Variants in ARID4A observed in about 807,000 individuals in gnomAD.
The protein encoded by ARID4A is AT-rich interaction domain 4A.
In ARID4A, 39 loss-of-function variants were observed where a neutral mutation model predicts 148.6. That is an observed-to-expected ratio of 0.26 (90% CI 0.20 to 0.34). The LOEUF (loss-of-function observed/expected upper bound fraction) is 0.34. Ranked by LOEUF, ARID4A falls within the 10% of genes least tolerant of loss-of-function variation. The probability of loss-of-function intolerance (pLI) is 1.00; values close to 1 mark genes in which losing one functional copy is unlikely to be tolerated. For synonymous variants in ARID4A, 475 were observed against 481.2 expected, an observed-to-expected ratio of 0.99 and a Z score of 0.17; for missense variants, 1,265 against 1,449.1, an observed-to-expected ratio of 0.87 and a Z score of 2.06.
chr14:58,329,638 G>A (rs781002522), intron 10 of ARID4A, 34 bp downstream of exon 10: 3 of 1,502,874 alleles, frequency 2.0e-6, no homozygotes, highest in Non-Finnish European at 9.3e-7. Context: ...ATTATTTTAT[G>A]TTGTGGCTCT....
At chr14:58,346,562 C>T (rs2034373508) in intron 13 of ARID4A, 57 bp downstream of exon 13, 4 of 1,127,888 alleles carry the variant, frequency 3.5e-6, no homozygotes, top group African/African-American at 3.1e-5. Flanking sequence ...GTTAAGTTAT[C>T]TTATATTGCA....
At chr14:58,326,984 T>C (rs1367247144) in intron 8 of ARID4A, among the ~76,000 whole-genome samples, 7 of 152,188 alleles carry the variant, frequency 4.6e-5, no homozygotes, top group Admixed American at 4.6e-4. Flanking sequence ...ATTAGTCTAA[T>C]AATTACTGGC....
intron 5 of ARID4A, among the ~76,000 whole-genome samples, chr14:58,311,586 G>A (rs1308980283): frequency 8.6e-5 from 13 of 151,996 alleles, no homozygotes; most frequent in Non-Finnish European, 5.9e-5. Context: ...CCCACTCCTG[G>A]GTATATAACC....
intron 7 of ARID4A, among the ~76,000 whole-genome samples, chr14:58,319,493 A>C (rs1191511386): frequency 1.4e-5 from 2 of 148,018 alleles, no homozygotes; most frequent in Non-Finnish European, 3.0e-5. Flanking sequence ...ATAATACACG[A>C]ATATCTGTGT....
At chr14:58,350,615 C>T (rs577648953) in intron 15 of ARID4A, among the ~76,000 whole-genome samples, 1 of 152,122 alleles carries the variant, frequency 6.6e-6, no homozygotes, top group East Asian at 1.9e-4. Context: ...TAAATTTTGT[C>T]TTACTAACGG....
chr14:58,336,850 C>T (rs2033841254), intron 11 of ARID4A, among the ~76,000 whole-genome samples: 1 of 151,708 alleles, frequency 6.6e-6, no homozygotes, highest in South Asian at 2.1e-4. Flanking sequence ...GATACCTTAT[C>T]CCATAGTTTC....
At chr14:58,359,079 G>A in intron 17 of ARID4A, 53 bp from the exon 18 acceptor site, 2 of 1,494,620 alleles carry the variant, frequency 1.3e-6, no homozygotes, top group South Asian at 1.3e-5. Context: ...TTTCAAAAAG[G>A]TTATAATGTA....
intron 19 of ARID4A, among the ~76,000 whole-genome samples, chr14:58,363,556 G>A (rs1213977084): frequency 4.6e-5 from 7 of 151,950 alleles, no homozygotes; most frequent in Admixed American, 6.6e-5. Context: ...AAAATTAGCC[G>A]GGCGTGGTGG....
chr14:58,356,792 C>T (rs1013191051), intron 17 of ARID4A, among the ~76,000 whole-genome samples: 1 of 151,414 alleles, frequency 6.6e-6, no homozygotes, highest in Non-Finnish European at 1.5e-5. Context: ...ACCTCCGCCT[C>T]CTGGGTTCAA....
chr14:58,353,627 G>A (rs1441971825), intron 16 of ARID4A, 31 bp from the exon 17 acceptor site: 6 of 1,567,762 alleles, frequency 3.8e-6, no homozygotes, highest in East Asian at 2.2e-5. Context: ...TAAGTTATTA[G>A]TAGCATTATC....
intron 23 of ARID4A, among the ~76,000 whole-genome samples, chr14:58,369,719 C>T (rs1396275334): frequency 6.6e-6 from 1 of 151,684 alleles, no homozygotes; most frequent in Non-Finnish European, 1.5e-5. Context: ...CATCCGATTT[C>T]TCAATGGTAG....
chr14:58,303,466 T>C (rs2031356439), intron 3 of ARID4A: 1 of 457,054 alleles, frequency 2.2e-6, no homozygotes, highest in Non-Finnish European at 4.6e-6. Context: ...ATAAAATTAT[T>C]GTCATTGGTA....
At chr14:58,343,451 T>G (rs554733390) in intron 11 of ARID4A, among the ~76,000 whole-genome samples, 1 of 152,336 alleles carries the variant, frequency 6.6e-6, no homozygotes, top group East Asian at 1.9e-4. Context: ...AACACAATTT[T>G]AAAGTGCCTG....
Position 58,323,573 on chromosome 14 carries a change from A to C in ARID4A, c.538A>C (p.Ser180Arg). The part of the protein sequence containing the change: ...LNDELLGKVV[S>R]VVSATERTEW... ...TGATGAATTACTAGGAAAAGTTGTA[A>C]GTGTGGTGTCTGCAACGGAGAGGAC... The change falls in exon 8 of 24, where the codon AGT becomes CGT. Residue 180 changes from serine to arginine, a missense_variant. Ser to Arg is a moderately radical substitution (Grantham distance 110). Transcript: ENST00000355431. 6.2e-7 allele frequency: 1 copy of C among 1,614,180 alleles called. No homozygotes were observed. The highest frequency in any genetic ancestry group is 8.5e-7 in the Non-Finnish European group (1 of 1,180,010).
chr14:58,330,558 A>G (rs762234582), intron 11 of ARID4A, among the ~76,000 whole-genome samples: 2 of 152,190 alleles, frequency 1.3e-5, no homozygotes, highest in Non-Finnish European at 2.9e-5. Context: ...GGAGATTCAG[A>G]AAAGTTAAGT....
intron 11 of ARID4A, among the ~76,000 whole-genome samples, chr14:58,341,911 T>C (rs2034134673): frequency 6.6e-6 from 1 of 152,220 alleles, no homozygotes; most frequent in Non-Finnish European, 1.5e-5. Context: ...GATGGTCTAG[T>C]GGACCTCTAC....
intron 5 of ARID4A, among the ~76,000 whole-genome samples, chr14:58,316,897 A>T (rs1038711146): frequency 1.6e-5 from 2 of 121,804 alleles, no homozygotes; most frequent in Non-Finnish European, 1.7e-5. Flanking sequence ...ATGATTTTTT[A>T]AAATATGTAC....
At position 58,346,622 on chromosome 14, in the gene ARID4A, A is replaced by C. The variant is rs187418963; in HGVS notation, c.1074+117A>C. ...AATACATTTTCTTAATGAACATAGA[A>C]TATTAGGATAAAGATCTTTTCCTGG... On this transcript the variant is annotated intron_variant, in intron 13 of 23. Transcript: ENST00000355431. 2.1e-3 allele frequency: 1,452 copies of C among 685,592 alleles called. 1 individual carries two copies. Among genetic ancestry groups the C allele is most frequent in the Non-Finnish European group, 3.1e-3 (1,337 of 428,326 alleles). 42.5% of individuals were successfully genotyped at this position (685,592 alleles called of 1,614,324 possible). A position where few individuals can be genotyped will look rare whatever the true frequency, so the allele number is the denominator to read the frequency against.
At chr14:58,337,332 C>A (rs2033885412) in intron 11 of ARID4A, among the ~76,000 whole-genome samples, 2 of 144,710 alleles carry the variant, frequency 1.4e-5, no homozygotes, top group Admixed American at 1.4e-4. Context: ...ATGTTCTCTC[C>A]TCCTCTAGAC....
Sources: gnomAD v4.1 joint callset for allele counts (sites outside exome capture counted in the v4.1 genomes callset) on GRCh38, gnomAD v4.1.1 for gene constraint, MANE v1.5 for transcripts, NCBI Gene and HGNC (gene_info 2026-07-23, HGNC 2026-07-21) for gene names.